Variants in RAB11FIP4 observed in about 807,000 individuals in gnomAD.
RAB11FIP4 encodes RAB11 family interacting protein 4.
Under a neutral mutation model 74.3 loss-of-function variants are expected in RAB11FIP4, and 23 were observed. The observed-to-expected ratio is 0.31, with a 90% CI of 0.22 to 0.44. The LOEUF is 0.44. Among genes scored for constraint, RAB11FIP4 ranks in the 20% least tolerant of loss-of-function variants. The probability of loss-of-function intolerance (pLI) is 1.00; values close to 1 mark genes in which losing one functional copy is unlikely to be tolerated. For missense variants in RAB11FIP4, 630 were observed against 863.9 expected (o/e 0.73, Z 3.39); for synonymous variants, 360 against 359.9 (o/e 1.00, Z 0.00).
chr17:31,484,523 C>T (rs1031381759), intron 3 of RAB11FIP4, among the ~76,000 whole-genome samples: 2 of 152,138 alleles, frequency 1.3e-5, no homozygotes, highest in African/African-American at 4.8e-5. Context: ...TCTTAGCCCC[C>T]GTTTGAACCA....
chr17:31,462,034 G>C (rs776506079), intron 3 of RAB11FIP4, among the ~76,000 whole-genome samples: 12 of 152,126 alleles, frequency 7.9e-5, no homozygotes, highest in Non-Finnish European at 1.5e-4. Flanking sequence ...GGCCAAGATG[G>C]GTGGATCACC....
chr17:31,398,208 T>G (rs904690501), intron 1 of RAB11FIP4, among the ~76,000 whole-genome samples: 1 of 152,028 alleles, frequency 6.6e-6, no homozygotes, highest in African/African-American at 2.4e-5. Flanking sequence ...CCAGCTAATT[T>G]TTTGTATTTT....
intron 7 of RAB11FIP4, chr17:31,523,095 T>G (rs1032980358): frequency 3.0e-5 from 7 of 232,936 alleles, no homozygotes; most frequent in Non-Finnish European, 6.1e-5. Context: ...GGAGCCAGCT[T>G]GGTGGAGAGG....
At chr17:31,487,444 C>G (rs766899935) in intron 3 of RAB11FIP4, among the ~76,000 whole-genome samples, 13 of 150,510 alleles carry the variant, frequency 8.6e-5, no homozygotes, top group Non-Finnish European at 1.6e-4. Context: ...TAGCATTCAA[C>G]AGGAAGGGTC....
At chr17:31,472,162 CAAA>C (rs35973497) in intron 3 of RAB11FIP4, among the ~76,000 whole-genome samples, 4 of 142,454 alleles carry the variant, frequency 2.8e-5, no homozygotes, top group Non-Finnish European at 3.0e-5. Context: ...AAGTCTGTCT[CAAA>C]AAAAAAAAAA....
intron 1 of RAB11FIP4, among the ~76,000 whole-genome samples, chr17:31,410,586 C>G (rs998323448): frequency 6.6e-6 from 1 of 151,872 alleles, no homozygotes; most frequent in African/African-American, 2.4e-5. Flanking sequence ...TGGTGGTGCG[C>G]ACCTGTAGTC....
chr17:31,430,334 C>A lies in RAB11FIP4; in HGVS notation c.160-1479C>A, dbSNP rs142155616. Reference sequence around the variant, plus strand: ...GTCAGATCACATGGGGCCTTGTGGGCCGTGTTGTGGAGTTTGGATTTTTTT... The same window carrying A: ...GTCAGATCACATGGGGCCTTGTGGGACGTGTTGTGGAGTTTGGATTTTTTT... On this transcript the variant is annotated intron_variant, in intron 1 of 14. Coordinates refer to ENST00000621161, the MANE Select transcript of RAB11FIP4 (RefSeq NM_032932.6). 2.0e-3 allele frequency among the ~76,000 whole-genome samples: 302 copies of A among 148,428 alleles called. 1 individual carries two copies. The highest frequency in any genetic ancestry group is 9.1e-3 in the Admixed American group (134 of 14,776).
chr17:31,520,990 T>C (rs1463223595), intron 4 of RAB11FIP4, 176 bp from the exon 5 acceptor site: 8 of 459,168 alleles, frequency 1.7e-5, no homozygotes, highest in Non-Finnish European at 3.1e-5. Context: ...AGAAATGGTT[T>C]CTGTGGTGAG....
intron 1 of RAB11FIP4, among the ~76,000 whole-genome samples, chr17:31,404,217 C>A (rs1026599072): frequency 4.6e-5 from 7 of 152,234 alleles, no homozygotes; most frequent in South Asian, 2.1e-4. Context: ...CCACACACTC[C>A]TGTTCCTGCA....
intron 3 of RAB11FIP4, among the ~76,000 whole-genome samples, chr17:31,494,274 G>C (rs1429865372): frequency 2.0e-5 from 3 of 147,368 alleles, no homozygotes; most frequent in African/African-American, 7.8e-5. Flanking sequence ...CTGTGCCTCA[G>C]CTTCCCCACC....
At chr17:31,449,230 C>T (rs563683121) in intron 3 of RAB11FIP4, among the ~76,000 whole-genome samples, 9 of 152,228 alleles carry the variant, frequency 5.9e-5, no homozygotes, top group East Asian at 1.9e-4. Context: ...GCTCCTCACC[C>T]GCACACCGCC....
chr17:31,416,208 G>T (rs567320274), intron 1 of RAB11FIP4, among the ~76,000 whole-genome samples: 1 of 152,166 alleles, frequency 6.6e-6, no homozygotes, highest in Non-Finnish European at 1.5e-5. Flanking sequence ...TGCGGAGCTG[G>T]TCCTGGGCCC....
chr17:31,471,532 C>T (rs1483880405), intron 3 of RAB11FIP4, among the ~76,000 whole-genome samples: 1 of 152,156 alleles, frequency 6.6e-6, no homozygotes, highest in African/African-American at 2.4e-5. Flanking sequence ...TATTCCTATC[C>T]CCATTTCACA....
chr17:31,437,365 GC>G (rs2071369023), intron 3 of RAB11FIP4, among the ~76,000 whole-genome samples: 1 of 152,180 alleles, frequency 6.6e-6, no homozygotes, highest in African/African-American at 2.4e-5. Flanking sequence ...CCACAGCTCT[GC>G]AGATGAGGTG....
chr17:31,502,223 CAA>C (rs551229045), intron 3 of RAB11FIP4, among the ~76,000 whole-genome samples: 23 of 138,542 alleles, frequency 1.7e-4, no homozygotes, highest in African/African-American at 6.2e-4. Flanking sequence ...TACCTTGTCT[CAA>C]AAAAAAAAAA....
At chr17:31,492,070 G>T (rs1170633769) in intron 3 of RAB11FIP4, among the ~76,000 whole-genome samples, 1 of 152,226 alleles carries the variant, frequency 6.6e-6, no homozygotes, top group East Asian at 1.9e-4. Flanking sequence ...CTCCTGTCGG[G>T]TAGGGACAGG....
chr17:31,438,275 G>A (rs6505244), intron 3 of RAB11FIP4, among the ~76,000 whole-genome samples: 49,627 of 151,874 alleles, frequency 0.33, 8,387 homozygotes, highest in South Asian at 0.41. Context: ...CTAGGGGCCC[G>A]TGGTCACCCC....
chr17:31,437,480 A>G, intron 3 of RAB11FIP4, among the ~76,000 whole-genome samples: 1 of 152,108 alleles, frequency 6.6e-6, no homozygotes, highest in East Asian at 1.9e-4. Flanking sequence ...ACTGAGAAGA[A>G]GCGGGTGCCT....
In RAB11FIP4 at chr17:31,527,857, G is replaced by A; in HGVS notation, c.1290G>A (p.Glu430=). The change falls in exon 11 of 15, where the codon GAG becomes GAA. Residue 430 remains glutamate (E), a synonymous_variant. Transcript: ENST00000621161. The part of the protein sequence containing the change: ...ELLNARVQQL[E]EENTELRTTV... ...CTTTCGCCAGGGTGCAGCAGTTGGA[G>A]GAAGAAAATACAGAGCTTAGAACAA... 6.2e-7 allele frequency: 1 copy of A among 1,606,808 alleles called. No homozygotes were observed. Among genetic ancestry groups the A allele is most frequent in the South Asian group, 1.1e-5 (1 of 89,040 alleles).
Sources: gnomAD v4.1 joint callset for allele counts (sites outside exome capture counted in the v4.1 genomes callset) on GRCh38, gnomAD v4.1.1 for gene constraint, MANE v1.5 for transcripts, NCBI Gene and HGNC (gene_info 2026-07-23, HGNC 2026-07-21) for gene names.